Variants in CCDC85C observed in about 807,000 individuals in gnomAD.
The protein encoded by CCDC85C is coiled-coil domain-containing protein 85C.
In CCDC85C, 18 loss-of-function variants were observed where a neutral mutation model predicts 38.3. The observed-to-expected ratio is 0.47, with a 90% CI of 0.33 to 0.70. The LOEUF is 0.70. Ranked by LOEUF, CCDC85C falls within the 30% of genes least tolerant of loss-of-function variation. The probability of loss-of-function intolerance (pLI) is 0.03; values close to 1 mark genes in which losing one functional copy is unlikely to be tolerated. For missense variants in CCDC85C, 566 were observed against 621.2 expected, an observed-to-expected ratio of 0.91 and a Z score of 0.94; for synonymous variants, 264 against 293.8, an observed-to-expected ratio of 0.90 and a Z score of 1.04.
chr14:99,591,781 C>G (rs2055091163), intron 1 of CCDC85C, among the ~76,000 whole-genome samples: 1 of 148,254 alleles, frequency 6.7e-6, no homozygotes, highest in African/African-American at 2.5e-5. Context: ...GTCACCCAGG[C>G]TGGAGTGCAG....
At chr14:99,560,506 C>T (rs2180380) in intron 1 of CCDC85C, among the ~76,000 whole-genome samples, 85,965 of 151,954 alleles carry the variant, frequency 0.57, 25,057 homozygotes, top group African/African-American at 0.71. Context: ...GTATGCCAGG[C>T]GCCAGGCCCG....
In CCDC85C at chr14:99,544,148, TG is replaced by T. The variant is rs1360397958; in HGVS notation, c.794-8061del. Among the ~76,000 whole-genome samples the T allele has an allele frequency of 6.6e-6, 1 of 152,152 alleles. No individual in the cohort carries two copies. Among genetic ancestry groups the T allele is most frequent in the Non-Finnish European group, 1.5e-5 (1 of 68,030 alleles). On this transcript the variant is annotated intron_variant, in intron 1 of 5. Transcript: ENST00000380243. This position sits in a 1 kb window ranked among gnomAD's most constrained non-coding sequence, Gnocchi z 5.3. ...GGACATCCTGTAACTGCTACCACTG[TG>T]TCATCGACAAGGCGCCTGAGACTCA...
intron 2 of CCDC85C, among the ~76,000 whole-genome samples, chr14:99,531,294 C>A (rs746910747): frequency 6.6e-6 from 1 of 152,036 alleles, no homozygotes; most frequent in Admixed American, 6.6e-5. Flanking sequence ...GCTTTTTTGG[C>A]GCACAATGGA....
Position 99,515,297 on chromosome 14 carries a change from C to T in CCDC85C, c.1209G>A (p.Lys403=). The T allele has an allele frequency of 1.3e-6, 2 of 1,550,910 alleles. No homozygotes were observed. Among genetic ancestry groups the T allele is most frequent in the South Asian group, 1.2e-5 (1 of 84,068 alleles). ...WRKLGDAASS[K]PSIRQHLSGN... is the part of the protein sequence containing the mutation. Reference sequence around the variant, plus strand: ...CAGACAGGTGCTGCCGTATGGAGGGCTTGGAGCTGGCTGCATCTCCCAGCT... The same window carrying T: ...CAGACAGGTGCTGCCGTATGGAGGGTTTGGAGCTGGCTGCATCTCCCAGCT... The change falls in exon 6 of 6, where the codon AAG becomes AAA. Residue 403 remains lysine (K), a synonymous_variant. Transcript: ENST00000380243.
rs1296305155 is a variant in CCDC85C at position 99,506,078 on chromosome 14, G to GT, written c.*9167dup. ...TTGGTGGGTCTAGGGATGGGCCATGGTTTTGGTGGCAAGATGGACGCTAGA... is the reference window on the plus strand; with the variant it reads ...TTGGTGGGTCTAGGGATGGGCCATGGTTTTTGGTGGCAAGATGGACGCTAGA... On this transcript the variant is annotated 3_prime_UTR_variant, in exon 6 of 6. Transcript: ENST00000380243. 4 of 152,508 alleles carry GT rather than the reference G, an allele frequency of 2.6e-5. No homozygotes were observed. Among genetic ancestry groups the GT allele is most frequent in the Non-Finnish European group, 5.9e-5 (4 of 68,238 alleles). 9.4% of individuals were successfully genotyped at this position (152,508 alleles called of 1,614,324 possible).
rs1052570123 is a variant in CCDC85C at position 99,507,714 on chromosome 14, T to G, written c.*7532A>C. ...GAAAGCCAAACCCCGCCTTCTGAGA[T>G]AGAGGCAGGGTTACTGTGGCTACTA... is the stretch of plus-strand genomic sequence containing the variant. On this transcript the variant is annotated 3_prime_UTR_variant, in exon 6 of 6. Transcript: ENST00000380243. The G allele has an allele frequency of 3.9e-5, 6 of 154,372 alleles. No homozygotes were observed. Among genetic ancestry groups the G allele is most frequent in the African/African-American group, 1.4e-4 (6 of 41,464 alleles). The allele number at this position is 154,372 out of a possible 1,614,324, so 9.6% of individuals were successfully genotyped here.
At chr14:99,551,659 G>C (rs558639098) in intron 1 of CCDC85C, among the ~76,000 whole-genome samples, 102 of 148,844 alleles carry the variant, frequency 6.9e-4, no homozygotes, top group African/African-American at 1.7e-3. Flanking sequence ...GTGCAGGTGG[G>C]TGAGAGGTGG....
At chr14:99,517,412 A>G (rs1897244738) in intron 3 of CCDC85C, among the ~76,000 whole-genome samples, 1 of 152,100 alleles carries the variant, frequency 6.6e-6, no homozygotes, top group Non-Finnish European at 1.5e-5. Context: ...CCCTGATAGC[A>G]CAGAGGCAAG....
At chr14:99,526,570 C>CAGG (rs1897388909) in intron 2 of CCDC85C, among the ~76,000 whole-genome samples, 2 of 152,216 alleles carry the variant, frequency 1.3e-5, no homozygotes, top group South Asian at 2.1e-4. Context: ...ACCCCGTCCC[C>CAGG]AAGACCTGGC....
rs1897050963 is a variant in CCDC85C, at chr14:99,509,202, C to T, written c.*6044G>A. ...AAGCATCTTCGTGGCTTTGTCCTCTCTATGTTCTCTGGAACCAGAAATGTT... is the reference window on the plus strand; with the variant it reads ...AAGCATCTTCGTGGCTTTGTCCTCTTTATGTTCTCTGGAACCAGAAATGTT... On this transcript the variant is annotated 3_prime_UTR_variant, in exon 6 of 6. Coordinates refer to ENST00000380243, the MANE Select transcript of CCDC85C (RefSeq NM_001144995.2). 6.6e-6 allele frequency: 1 copy of T among 152,284 alleles called. No homozygotes were observed. The highest frequency in any genetic ancestry group is 2.4e-5 in the African/African-American group (1 of 41,446). 9.4% of individuals were successfully genotyped at this position (152,284 alleles called of 1,614,324 possible).
At position 99,510,231 on chromosome 14, in the gene CCDC85C, A is replaced by G. The variant is rs1174724135; in HGVS notation, c.*5015T>C. 6.3e-7 allele frequency: 1 copy of G among 1,596,416 alleles called. No homozygotes were observed. Among genetic ancestry groups the G allele is most frequent in the African/African-American group, 1.3e-5 (1 of 74,586 alleles). On this transcript the variant is annotated 3_prime_UTR_variant, in exon 6 of 6. Coordinates refer to ENST00000380243, the MANE Select transcript of CCDC85C (RefSeq NM_001144995.2). ...CCCTGTGGATGCCACTGACCTCCCCAAAGTCCAGATTCCCCCTCCGGCCCA... is the reference window on the plus strand; with the variant it reads ...CCCTGTGGATGCCACTGACCTCCCCGAAGTCCAGATTCCCCCTCCGGCCCA...
chr14:99,559,279 CA>C (rs1358846782), intron 1 of CCDC85C, among the ~76,000 whole-genome samples: 1 of 151,970 alleles, frequency 6.6e-6, no homozygotes, highest in East Asian at 1.9e-4. Flanking sequence ...TTCTGGCCTC[CA>C]AAAATGTGAG....
intron 1 of CCDC85C, among the ~76,000 whole-genome samples, chr14:99,589,992 C>A (rs2055068912): frequency 6.6e-6 from 1 of 152,216 alleles, no homozygotes; most frequent in Non-Finnish European, 1.5e-5. Flanking sequence ...GGTTGGGTTG[C>A]ACCAAACAAG....
chr14:99,541,349 G>C (rs1044742892), intron 1 of CCDC85C, among the ~76,000 whole-genome samples: 1 of 152,240 alleles, frequency 6.6e-6, no homozygotes, highest in Non-Finnish European at 1.5e-5. Flanking sequence ...GAGGCTACAG[G>C]GGGCAGAGCA....
chr14:99,532,611 A>T (rs980794588), intron 2 of CCDC85C, among the ~76,000 whole-genome samples: 1 of 152,074 alleles, frequency 6.6e-6, no homozygotes, highest in African/African-American at 2.4e-5. Flanking sequence ...CTGCCCCAGG[A>T]ATCCAAAGGC....
chr14:99,510,153 G>A lies in CCDC85C; in HGVS notation c.*5093C>T. ...CCGGGCACTGATGCGTCTCTCTCCT[G>A]CAGACCGGAAGCCTCCCCTCGCTGC... is the stretch of plus-strand genomic sequence containing the variant. On this transcript the variant is annotated 3_prime_UTR_variant, in exon 6 of 6. Transcript: ENST00000380243. 3.1e-6 allele frequency: 5 copies of A among 1,593,718 alleles called. No individual in the cohort carries two copies. Among genetic ancestry groups the A allele is most frequent in the Non-Finnish European group, 2.6e-6 (3 of 1,173,938 alleles).
rs570780814 is a variant in CCDC85C at position 99,514,448 on chromosome 14, C to G, written c.*798G>C. 6.6e-6 allele frequency: 1 copy of G among 152,504 alleles called. No individual in the cohort carries two copies. The highest frequency in any genetic ancestry group is 2.4e-5 in the African/African-American group (1 of 41,562). The allele number at this position is 152,504 out of a possible 1,614,324, so 9.4% of individuals were successfully genotyped here. A position where few individuals can be genotyped will look rare whatever the true frequency, so the allele number is the denominator to read the frequency against. On this transcript the variant is annotated 3_prime_UTR_variant, in exon 6 of 6. Transcript: ENST00000380243. ...TGTGGCTCAGCCCAGAAACTCTCCC[C>G]AGGCCCTTCCTGTTACTGGCCTGTC...
chr14:99,547,314 G>A (rs905852476), intron 1 of CCDC85C, among the ~76,000 whole-genome samples: 2 of 152,176 alleles, frequency 1.3e-5, no homozygotes, highest in African/African-American at 2.4e-5. Flanking sequence ...CTCCAGAATA[G>A]GCAGATTCAT....
chr14:99,531,265 C>G (rs962371551), intron 2 of CCDC85C, among the ~76,000 whole-genome samples: 1 of 152,160 alleles, frequency 6.6e-6, no homozygotes, highest in Non-Finnish European at 1.5e-5. Context: ...GGAGAGCTCC[C>G]TGCTCTTTTG....
Sources: allele counts gnomAD v4.1 joint callset (sites outside exome capture counted in the v4.1 genomes callset), GRCh38; gene constraint gnomAD v4.1.1; non-coding constraint Gnocchi (gnomAD v3.1); transcripts MANE v1.5; gene names NCBI Gene and HGNC (gene_info 2026-07-23, HGNC 2026-07-21).